The following RNGTT variants were observed in gnomAD, a reference collection of about 807,000 sequenced individuals.
RNGTT encodes the protein RNA guanylyltransferase and 5'-phosphatase, also known as mRNA-capping enzyme.
Under a neutral mutation model 79.3 loss-of-function variants are expected in RNGTT, and 33 were observed. The ratio of observed to expected loss-of-function variants is 0.42; its 90% CI spans 0.32 to 0.56. The LOEUF (loss-of-function observed/expected upper bound fraction) is 0.56. Ranked by LOEUF, RNGTT falls within the 20% of genes least tolerant of loss-of-function variation. The pLI is 0.17. For missense variants in RNGTT, 497 were observed against 739.1 expected (o/e 0.67, Z 3.80); for synonymous variants, 222 against 235.9 (o/e 0.94, Z 0.54).
chr6:88,679,804 C>T (rs561687427), intron 13 of RNGTT, among the ~76,000 whole-genome samples: 254 of 152,246 alleles, frequency 1.7e-3, no homozygotes, highest in African/African-American at 5.8e-3. Flanking sequence ...AGATATATCT[C>T]ATCTTTCTTT....
At chr6:88,918,638 C>A (rs1416142105) in intron 4 of RNGTT, among the ~76,000 whole-genome samples, 2 of 152,056 alleles carry the variant, frequency 1.3e-5, no homozygotes, top group African/African-American at 4.8e-5. Context: ...GAACTGAAGA[C>A]ATCACTTAGA....
intron 11 of RNGTT, among the ~76,000 whole-genome samples, chr6:88,804,962 C>G (rs528136968): frequency 6.6e-6 from 1 of 152,168 alleles, no homozygotes; most frequent in Non-Finnish European, 1.5e-5. Context: ...GATCTATGTT[C>G]ATAATCTTAG....
chr6:88,855,310 C>T (rs1781807031), intron 8 of RNGTT, among the ~76,000 whole-genome samples: 1 of 152,086 alleles, frequency 6.6e-6, no homozygotes. Flanking sequence ...TGGCTAACCA[C>T]AAACCAATGT....
At chr6:88,810,676 A>G (rs1562264347) in intron 11 of RNGTT, among the ~76,000 whole-genome samples, 2 of 152,334 alleles carry the variant, frequency 1.3e-5, no homozygotes, top group East Asian at 1.9e-4. Flanking sequence ...TGTGTCTGAT[A>G]TTACATTCAA....
chr6:88,827,150 T>C (rs1412747389), intron 11 of RNGTT, among the ~76,000 whole-genome samples: 1 of 151,752 alleles, frequency 6.6e-6, no homozygotes, highest in African/African-American at 2.4e-5. Context: ...GCGAGATCAA[T>C]GCAGAAGGCG....
At chr6:88,813,816 C>T (rs558184296) in intron 11 of RNGTT, among the ~76,000 whole-genome samples, 35 of 152,254 alleles carry the variant, frequency 2.3e-4, no homozygotes, top group Non-Finnish European at 4.4e-4. Flanking sequence ...CCTATGCTTC[C>T]CTCCATCACA....
chr6:88,896,003 A>C (rs1368773182), intron 6 of RNGTT, among the ~76,000 whole-genome samples: 1 of 152,120 alleles, frequency 6.6e-6, no homozygotes, highest in Non-Finnish European at 1.5e-5. Context: ...ACCGTGTCTC[A>C]ACTAAAAGCT....
At chr6:88,738,339 C>T (rs183699169) in intron 13 of RNGTT, among the ~76,000 whole-genome samples, 3 of 152,170 alleles carry the variant, frequency 2.0e-5, no homozygotes, top group Admixed American at 1.3e-4. Context: ...GATATGACAA[C>T]TAAATGTAAT....
chr6:88,889,248 C>T (rs1012768764), intron 8 of RNGTT, among the ~76,000 whole-genome samples: 1 of 151,808 alleles, frequency 6.6e-6, no homozygotes, highest in African/African-American at 2.4e-5. Context: ...AAATTGTTTC[C>T]AACAGAGGCA....
At chr6:88,691,020 C>T (rs1267521597) in intron 13 of RNGTT, among the ~76,000 whole-genome samples, 1 of 152,110 alleles carries the variant, frequency 6.6e-6, no homozygotes, top group Non-Finnish European at 1.5e-5. Context: ...TAATACTGAA[C>T]AAAAGAAGCT....
At chr6:88,944,648 A>G (rs1323510140) in intron 1 of RNGTT, among the ~76,000 whole-genome samples, 10 of 151,650 alleles carry the variant, frequency 6.6e-5, no homozygotes, top group Non-Finnish European at 1.5e-4. Context: ...CCCCCAACTT[A>G]TGCTTCATTT....
chr6:88,883,830 T>C (rs1782772019), intron 8 of RNGTT, among the ~76,000 whole-genome samples: 1 of 151,950 alleles, frequency 6.6e-6, no homozygotes, highest in African/African-American at 2.4e-5. Context: ...CAAAAAAACA[T>C]GAACAAAGTC....
intron 10 of RNGTT, among the ~76,000 whole-genome samples, chr6:88,845,278 A>G (rs1781448131): frequency 2.0e-5 from 3 of 152,322 alleles, no homozygotes; most frequent in South Asian, 4.1e-4. Context: ...AGTTTACATA[A>G]TATGTTCAAA....
chr6:88,758,064 T>G (rs1182225270), intron 13 of RNGTT, among the ~76,000 whole-genome samples: 1 of 152,218 alleles, frequency 6.6e-6, no homozygotes, highest in East Asian at 1.9e-4. Flanking sequence ...TGTTTTTTCT[T>G]CTGTGCTTCA....
intron 8 of RNGTT, among the ~76,000 whole-genome samples, chr6:88,888,760 T>G (rs1049312573): frequency 1.3e-5 from 2 of 152,232 alleles, no homozygotes; most frequent in African/African-American, 4.8e-5. Flanking sequence ...CCAGGCACGG[T>G]GGCTCACACC....
intron 14 of RNGTT, among the ~76,000 whole-genome samples, chr6:88,677,043 T>A (rs1774901704): frequency 6.6e-6 from 1 of 152,130 alleles, no homozygotes; most frequent in South Asian, 2.1e-4. Flanking sequence ...GCTATAGCCA[T>A]ACTACTAATG....
intron 4 of RNGTT, among the ~76,000 whole-genome samples, chr6:88,926,945 C>T (rs1784338440): frequency 6.6e-6 from 1 of 152,110 alleles, no homozygotes; most frequent in African/African-American, 2.4e-5. Flanking sequence ...AGGAAAGTTG[C>T]TGATGTTTTC....
intron 13 of RNGTT, among the ~76,000 whole-genome samples, chr6:88,707,326 T>C (rs1272407159): frequency 2.1e-5 from 3 of 141,514 alleles, no homozygotes; most frequent in African/African-American, 5.3e-5. Flanking sequence ...TCAGGGCCCA[T>C]GGAGAAGCTT....
At chr6:88,701,968 C>CA (rs1321994888) in intron 13 of RNGTT, among the ~76,000 whole-genome samples, 1 of 151,728 alleles carries the variant, frequency 6.6e-6, no homozygotes, top group South Asian at 2.1e-4. Flanking sequence ...ACGATAGCCA[C>CA]AAAAAACACA....
Sources: gnomAD v4.1 joint callset for allele counts (sites outside exome capture counted in the v4.1 genomes callset) on GRCh38, gnomAD v4.1.1 for gene constraint, MANE v1.5 for transcripts, NCBI Gene and HGNC (gene_info 2026-07-23, HGNC 2026-07-21) for gene names.